The following BMPR1B variants were observed in gnomAD, a reference collection of about 807,000 sequenced individuals.
BMPR1B encodes bone morphogenetic protein receptor type-1B.
BMPR1B carries 12 observed loss-of-function variants against 59.1 expected under a neutral mutation model. The ratio of observed to expected loss-of-function variants is 0.20; its 90% CI spans 0.13 to 0.33. The LOEUF is 0.33. BMPR1B is among the 10% of genes least tolerant of loss of function. The pLI is 1.00. For synonymous variants in BMPR1B, 237 were observed against 207.3 expected, an observed-to-expected ratio of 1.14 and a Z score of -1.23; for missense variants, 550 against 610.9, an observed-to-expected ratio of 0.90 and a Z score of 1.05.
chr4:95,113,683 A>T (rs1161109371), intron 4 of BMPR1B, among the ~76,000 whole-genome samples: 1 of 152,166 alleles, frequency 6.6e-6, no homozygotes, highest in Non-Finnish European at 1.5e-5. Context: ...AGTTGTGAAG[A>T]TATCAATGTC....
intron 3 of BMPR1B, among the ~76,000 whole-genome samples, chr4:95,006,375 T>TC (rs1722832004): frequency 1.7e-5 from 1 of 57,298 alleles, no homozygotes; most frequent in Admixed American, 2.2e-4. Context: ...AGACTCCATC[T>TC]CAAAAAAAAA....
chr4:94,978,493 A>G (rs1731112209), intron 2 of BMPR1B, among the ~76,000 whole-genome samples: 1 of 152,230 alleles, frequency 6.6e-6, no homozygotes. Flanking sequence ...TGTACTCTGG[A>G]TAAGCAGACT....
In BMPR1B at chr4:95,131,426, T is replaced by C; in HGVS notation, c.990T>C (p.His330=). 1 of 1,614,066 alleles carries C rather than the reference T, an allele frequency of 6.2e-7. No homozygotes were observed. The highest frequency in any genetic ancestry group is 8.5e-7 in the Non-Finnish European group (1 of 1,179,986). ...CTCAAGGCAAACCAGCAATTGCCCA[T>C]CGAGATCTGAAAAGTAAAAACATTC... The part of the protein sequence containing the change: ...FSTQGKPAIA[H]RDLKSKNILV... Residue 330 remains histidine, a synonymous_variant, in exon 10 of 13, where the codon CAT becomes CAC. Transcript: ENST00000515059.
intron 3 of BMPR1B, among the ~76,000 whole-genome samples, chr4:95,015,440 G>T (rs1723518828): frequency 1.3e-5 from 2 of 152,138 alleles, no homozygotes; most frequent in African/African-American, 4.8e-5. Context: ...CGTCTGGACT[G>T]CAGTGGTGCT....
intron 3 of BMPR1B, among the ~76,000 whole-genome samples, chr4:95,072,753 G>A (rs1728406898): frequency 6.6e-6 from 1 of 151,956 alleles, no homozygotes; most frequent in African/African-American, 2.4e-5. Flanking sequence ...TATTCATTTG[G>A]AAGGTGGTAG....
intron 2 of BMPR1B, among the ~76,000 whole-genome samples, chr4:94,931,354 C>T (rs185123147): frequency 2.6e-5 from 4 of 152,126 alleles, no homozygotes; most frequent in Admixed American, 6.6e-5. Context: ...TTATACACGT[C>T]GTGGACTTTT....
chr4:94,974,791 A>G (rs1730950616), intron 2 of BMPR1B, among the ~76,000 whole-genome samples: 1 of 152,174 alleles, frequency 6.6e-6, no homozygotes, highest in African/African-American at 2.4e-5. Flanking sequence ...ATAAGCATTC[A>G]GTGAGTTAAT....
At chr4:94,788,233 A>G (rs191881861) in intron 1 of BMPR1B, among the ~76,000 whole-genome samples, 3 of 152,260 alleles carry the variant, frequency 2.0e-5, no homozygotes, top group East Asian at 3.9e-4. Context: ...TGCGACCACA[A>G]TATATTCACT....
At chr4:95,142,505 AT>A (rs1363495992) in intron 10 of BMPR1B, among the ~76,000 whole-genome samples, 2 of 151,948 alleles carry the variant, frequency 1.3e-5, no homozygotes, top group African/African-American at 4.8e-5. Flanking sequence ...AGCTTTTTAG[AT>A]TTTTTAAGGG....
intron 2 of BMPR1B, among the ~76,000 whole-genome samples, chr4:94,891,663 G>A (rs376739949): frequency 1.3e-5 from 2 of 151,876 alleles, no homozygotes; most frequent in African/African-American, 4.8e-5. Context: ...CTAAACAAAA[G>A]GTAACATTCA....
At chr4:94,946,324 A>G (rs990087717) in intron 2 of BMPR1B, among the ~76,000 whole-genome samples, 2 of 152,220 alleles carry the variant, frequency 1.3e-5, no homozygotes, top group Non-Finnish European at 2.9e-5. Flanking sequence ...TTAAATAAGG[A>G]AAATTATTTG....
chr4:94,954,978 C>T (rs966927236), intron 2 of BMPR1B, among the ~76,000 whole-genome samples: 3 of 152,126 alleles, frequency 2.0e-5, no homozygotes, highest in African/African-American at 7.2e-5. Context: ...TCTTTCCTAA[C>T]CCCCTTATAC....
intron 8 of BMPR1B, among the ~76,000 whole-genome samples, chr4:95,127,022 A>G (rs1415226319): frequency 7.3e-6 from 1 of 137,730 alleles, no homozygotes; most frequent in Admixed American, 7.8e-5. Context: ...ATAATATCGT[A>G]GGGCTGTTGT....
At chr4:94,894,774 C>T (rs1727524975) in intron 2 of BMPR1B, among the ~76,000 whole-genome samples, 1 of 150,256 alleles carries the variant, frequency 6.7e-6, no homozygotes. Flanking sequence ...TTTCTTCAGA[C>T]TTGGTTTTCT....
chr4:94,911,502 T>A (rs1728271684), intron 2 of BMPR1B, among the ~76,000 whole-genome samples: 1 of 152,136 alleles, frequency 6.6e-6, no homozygotes, highest in African/African-American at 2.4e-5. Context: ...TTCCCAGAGT[T>A]TGCAGTACAT....
chr4:94,789,285 T>C (rs1722879082), intron 1 of BMPR1B, among the ~76,000 whole-genome samples: 1 of 152,218 alleles, frequency 6.6e-6, no homozygotes, highest in African/African-American at 2.4e-5. Context: ...GCTGAACGAC[T>C]GTGGAATGGT....
rs531879679 is a variant in BMPR1B at position 94,836,926 on chromosome 4, G to A, written c.-182-38905G>A. Among the ~76,000 whole-genome samples, 319 of 148,952 alleles carry A rather than the reference G, an allele frequency of 2.1e-3. 1 individual carries two copies. The highest frequency in any genetic ancestry group is 7.4e-3 in the African/African-American group (299 of 40,328). On this transcript the variant is annotated intron_variant, in intron 1 of 12. Coordinates refer to ENST00000515059, the MANE Select transcript of BMPR1B (RefSeq NM_001203.3). ...TTAAATCTTTAATCCATCTTGAATT[G>A]ATTTTTGTATAAGGTGTAAGGAAGG...
intron 2 of BMPR1B, among the ~76,000 whole-genome samples, chr4:94,932,641 C>G (rs73838612): frequency 0.13 from 19,787 of 151,960 alleles, 1,444 homozygotes; most frequent in African/African-American, 0.19. Flanking sequence ...CCACATACAC[C>G]CCTTTTTTGG....
At chr4:95,031,915 G>C (rs1029256147) in intron 3 of BMPR1B, among the ~76,000 whole-genome samples, 4 of 152,012 alleles carry the variant, frequency 2.6e-5, no homozygotes, top group Non-Finnish European at 5.9e-5. Context: ...GGCAGAGCAG[G>C]ACTAATGTCT....
Sources: allele counts gnomAD v4.1 joint callset (sites outside exome capture counted in the v4.1 genomes callset), GRCh38; gene constraint gnomAD v4.1.1; transcripts MANE v1.5; gene names NCBI Gene and HGNC (gene_info 2026-07-23, HGNC 2026-07-21).